The following ATP5PF variants were observed in gnomAD, a reference collection of about 807,000 sequenced individuals.
ATP5PF encodes ATP synthase peripheral stalk subunit F6, mitochondrial.
Under a neutral mutation model 12.0 loss-of-function variants are expected in ATP5PF, and 7 were observed. The ratio of observed to expected loss-of-function variants is 0.58; its 90% CI spans 0.33 to 1.10. The LOEUF is 1.10. Ranked by LOEUF, ATP5PF falls within the 50% of genes least tolerant of loss-of-function variation. The pLI is 0.03. For missense variants in ATP5PF, 120 were observed against 127.7 expected (o/e 0.94, Z 0.29); for synonymous variants, 41 against 45.4 (o/e 0.90, Z 0.39).
intron 1 of ATP5PF, among the ~76,000 whole-genome samples, chr21:25,732,922 C>A (rs981725091): frequency 1.7e-5 from 2 of 117,462 alleles, no homozygotes; most frequent in South Asian, 5.8e-4. Context: ...GCGGAGGTTG[C>A]GGTGAGCCGA....
rs1007985613 is a variant in ATP5PF, at chr21:25,729,695, T to C, written c.100A>G (p.Lys34Glu). The change falls in exon 2 of 4, where the codon AAG (lysine) becomes GAG (glutamate). Residue 34 changes from lysine (K) to glutamate (E), a missense_variant. Coordinates refer to ENST00000284971, the MANE Select transcript of ATP5PF (RefSeq NM_001003703.2). Reference sequence around the variant, plus strand: ...AGTTTCTGTATAGGATCAAGTTCCTTATTAAATGCCACTGCTGTAACACCA... The same window carrying C: ...AGTTTCTGTATAGGATCAAGTTCCTCATTAAATGCCACTGCTGTAACACCA... ...NIGVTAVAFN[K>E]ELDPIQKLFV... The C allele has an allele frequency of 1.5e-5, 25 of 1,613,876 alleles. No individual in the cohort carries two copies. The African/African-American group carries it at 1.6e-4, about 10-fold the overall frequency.
chr21:25,734,397 G>A (rs1284905402), intron 1 of ATP5PF: 1 of 991,136 alleles, frequency 1.0e-6, no homozygotes, highest in African/African-American at 1.7e-5. Context: ...CCATAAAGTC[G>A]CCTAATGAAG....
At chr21:25,725,193 C>A (rs766420556) in intron 3 of ATP5PF, 33 bp downstream of exon 3, 2 of 1,587,412 alleles carry the variant, frequency 1.3e-6, no homozygotes, top group East Asian at 4.5e-5. Flanking sequence ...ACTTATCCCC[C>A]ACAAGAATGA....
intron 1 of ATP5PF, among the ~76,000 whole-genome samples, chr21:25,733,840 A>T (rs1384822169): frequency 6.6e-6 from 1 of 152,216 alleles, no homozygotes; most frequent in Non-Finnish European, 1.5e-5. Context: ...ATTTGCTCTA[A>T]GTCTGACTGC....
intron 1 of ATP5PF, among the ~76,000 whole-genome samples, chr21:25,733,602 A>C (rs1420176954): frequency 6.6e-6 from 1 of 152,206 alleles, no homozygotes; most frequent in Non-Finnish European, 1.5e-5. Flanking sequence ...AAATTGTGCA[A>C]TTCAATGCCA....
chr21:25,725,487 T>A, intron 2 of ATP5PF, 137 bp from the exon 3 acceptor site: 1 of 974,808 alleles, frequency 1.0e-6, no homozygotes, highest in Non-Finnish European at 1.4e-6. Flanking sequence ...GTCGCCAGGC[T>A]GGAGTGCGGT....
At chr21:25,725,137 CT>C in intron 3 of ATP5PF, 88 bp downstream of exon 3, 1 of 1,495,558 alleles carries the variant, frequency 6.7e-7, no homozygotes, top group Non-Finnish European at 8.9e-7. Context: ...CATGTCAACA[CT>C]GTCATTCAGT....
intron 2 of ATP5PF, 42 bp from the exon 3 acceptor site, chr21:25,725,392 A>T (rs1212759590): frequency 5.3e-6 from 8 of 1,514,708 alleles, no homozygotes; most frequent in African/African-American, 1.4e-5. Context: ...TTTGTGTACT[A>T]GCTTACAAAA....
chr21:25,729,917 AGT>A, intron 1 of ATP5PF, 116 bp from the exon 2 acceptor site: 1 of 1,182,404 alleles, frequency 8.5e-7, no homozygotes, highest in Non-Finnish European at 1.2e-6. Context: ...ATCAGATCTC[AGT>A]CTATACCTGA....
intron 2 of ATP5PF, among the ~76,000 whole-genome samples, chr21:25,725,720 T>G (rs955969380): frequency 6.6e-6 from 1 of 152,246 alleles, no homozygotes; most frequent in Non-Finnish European, 1.5e-5. Context: ...ATTACAGGCG[T>G]GAGCCACCAC....
At chr21:25,733,790 G>C (rs2034888498) in intron 1 of ATP5PF, among the ~76,000 whole-genome samples, 2 of 152,180 alleles carry the variant, frequency 1.3e-5, no homozygotes, top group Admixed American at 6.5e-5. Context: ...TGATAAAACT[G>C]TATCTAAGAA....
intron 1 of ATP5PF, chr21:25,734,554 C>T (rs1015486418): frequency 8.9e-6 from 4 of 451,940 alleles, no homozygotes; most frequent in Non-Finnish European, 1.3e-5. Context: ...CTCTCCCGCG[C>T]GCCTGACCTT....
intron 2 of ATP5PF, 37 bp from the exon 3 acceptor site, chr21:25,725,387 G>T (rs185034864): frequency 1.3e-6 from 2 of 1,527,506 alleles, no homozygotes; most frequent in Non-Finnish European, 1.7e-6. Context: ...TTAATTTTGT[G>T]TACTAGCTTA....
chr21:25,732,803 G>A (rs1407692554), intron 1 of ATP5PF, among the ~76,000 whole-genome samples: 1 of 151,678 alleles, frequency 6.6e-6, no homozygotes, highest in Non-Finnish European at 1.5e-5. Context: ...GACCAACATG[G>A]AGAAACCCCG....
At chr21:25,735,621 G>A (rs2035020078), upstream of ATP5PF, 1 of 152,494 alleles carries the variant, frequency 6.6e-6, no homozygotes, top group Non-Finnish European at 1.5e-5. Flanking sequence ...GGGCCCTCGC[G>A]GGCCGGCCTC....
At chr21:25,727,430 A>T (rs2034646802) in intron 2 of ATP5PF, among the ~76,000 whole-genome samples, 1 of 152,220 alleles carries the variant, frequency 6.6e-6, no homozygotes, top group Non-Finnish European at 1.5e-5. Context: ...AGGCATGCTA[A>T]TGTATTGAAT....
At chr21:25,730,520 G>A (rs1426065083) in intron 1 of ATP5PF, among the ~76,000 whole-genome samples, 1 of 151,920 alleles carries the variant, frequency 6.6e-6, no homozygotes, top group Non-Finnish European at 1.5e-5. Context: ...GATCACCTGA[G>A]GTTGGGAATT....
chr21:25,724,944 A>C, intron 3 of ATP5PF: 1 of 584,650 alleles, frequency 1.7e-6, no homozygotes, highest in Non-Finnish European at 2.9e-6. Context: ...GGAGACATGC[A>C]CCAGTTAATT....
intron 1 of ATP5PF, among the ~76,000 whole-genome samples, chr21:25,730,093 G>A (rs1185777564): frequency 1.3e-5 from 2 of 152,182 alleles, no homozygotes; most frequent in African/African-American, 4.8e-5. Context: ...CTTAGTCATG[G>A]ATCAGAGAAA....
Sources: allele counts gnomAD v4.1 joint callset (sites outside exome capture counted in the v4.1 genomes callset), GRCh38; gene constraint gnomAD v4.1.1; transcripts MANE v1.5; gene names NCBI Gene and HGNC (gene_info 2026-07-23, HGNC 2026-07-21).